The following PTPRD variants were observed in gnomAD, a reference collection of about 807,000 sequenced individuals.
PTPRD encodes protein tyrosine phosphatase receptor type D, also known as receptor-type tyrosine-protein phosphatase delta.
In PTPRD, 34 loss-of-function variants were observed where a neutral mutation model predicts 214.5. The observed-to-expected ratio is 0.16, with a 90% CI of 0.12 to 0.21. The LOEUF (loss-of-function observed/expected upper bound fraction) is 0.21. Among genes scored for constraint, PTPRD ranks in the 10% least tolerant of loss-of-function variants. PTPRD has a pLI of 1.00. For synonymous variants in PTPRD, 1,128 were observed against 845.7 expected, an observed-to-expected ratio of 1.33 and a Z score of -5.79; for missense variants, 2,545 against 2,398.7, an observed-to-expected ratio of 1.06 and a Z score of -1.27.
At chr9:8,512,981 A>AG (rs546319098) in intron 21 of PTPRD, among the ~76,000 whole-genome samples, 310 of 152,088 alleles carry the variant, frequency 2.0e-3, no homozygotes, top group Non-Finnish European at 3.8e-3. Flanking sequence ...AAACTATAGG[A>AG]GGTCCTTTTT....
chr9:9,010,033 G>C (rs1351588678), intron 11 of PTPRD, among the ~76,000 whole-genome samples: 1 of 152,054 alleles, frequency 6.6e-6, no homozygotes, highest in Admixed American at 6.6e-5. Flanking sequence ...GCCTGACAAA[G>C]ATGGAAATTT....
chr9:8,773,735 C>T (rs1258476811), intron 11 of PTPRD, among the ~76,000 whole-genome samples: 2 of 152,294 alleles, frequency 1.3e-5, no homozygotes, highest in East Asian at 3.9e-4. Flanking sequence ...GTCTACTTTG[C>T]TAGCTAATCT....
chr9:10,484,343 A>G (rs1478323909), intron 2 of PTPRD, among the ~76,000 whole-genome samples: 1 of 152,100 alleles, frequency 6.6e-6, no homozygotes, highest in East Asian at 1.9e-4. Flanking sequence ...GTGTTACAAC[A>G]TATACTATGT....
intron 2 of PTPRD, among the ~76,000 whole-genome samples, chr9:10,586,700 T>C (rs1482874186): frequency 6.6e-6 from 1 of 151,998 alleles, no homozygotes; most frequent in African/African-American, 2.4e-5. Context: ...TCCTTCTTAC[T>C]ATCTAGAAAA....
chr9:10,485,040 C>G (rs200169062), intron 2 of PTPRD, among the ~76,000 whole-genome samples: 2 of 150,806 alleles, frequency 1.3e-5, no homozygotes, highest in East Asian at 3.9e-4. Context: ...TTTTTTTTTG[C>G]ATATGAAAGG....
intron 9 of PTPRD, among the ~76,000 whole-genome samples, chr9:9,363,259 T>C (rs932840027): frequency 6.6e-6 from 1 of 150,988 alleles, no homozygotes; most frequent in African/African-American, 2.4e-5. Context: ...CCAAAAGGCA[T>C]CTAAAATGCC....
intron 8 of PTPRD, among the ~76,000 whole-genome samples, chr9:9,517,353 G>T (rs1344150730): frequency 6.6e-6 from 1 of 152,042 alleles, no homozygotes; most frequent in Admixed American, 6.6e-5. Context: ...TTAGTAAGGG[G>T]ATAGACTTTG....
intron 15 of PTPRD, among the ~76,000 whole-genome samples, chr9:8,527,800 A>C (rs760782366): frequency 6.6e-6 from 1 of 152,132 alleles, no homozygotes; most frequent in Non-Finnish European, 1.5e-5. Context: ...GAAAAGGGTA[A>C]AGAGAGAGAG....
At chr9:10,034,474 T>C (rs1370502221) in intron 3 of PTPRD, among the ~76,000 whole-genome samples, 2 of 147,806 alleles carry the variant, frequency 1.4e-5, no homozygotes, top group East Asian at 2.0e-4. Flanking sequence ...TTTTGTTACA[T>C]AGGGAAACGT....
chr9:8,967,217 G>A lies in PTPRD; in HGVS notation c.-104+51480C>T, dbSNP rs2099202316. Reference sequence around the variant, plus strand: ...GTTGGTGGGAATGTAAATTAGTCCTGCCACTATGGAAAGCAGTTTGGAGAT... The same window carrying A: ...GTTGGTGGGAATGTAAATTAGTCCTACCACTATGGAAAGCAGTTTGGAGAT... On this transcript the variant is annotated intron_variant, in intron 11 of 45. Transcript: ENST00000381196. Among the ~76,000 whole-genome samples the A allele has an allele frequency of 2.6e-5, 4 of 151,968 alleles. No individual in the cohort carries two copies. The South Asian group carries it at 6.2e-4, about 24-fold the overall frequency.
In PTPRD at chr9:10,054,882, C is replaced by G. The variant is rs376473481; in HGVS notation, c.-544-21092G>C. On this transcript the variant is annotated intron_variant, in intron 3 of 45. Coordinates refer to ENST00000381196, the MANE Select transcript of PTPRD (RefSeq NM_002839.4). ...AAATCCATATGTTGAAGTCCTCATA[C>G]CCTGTGTGATGGTATTTGGGGGTGG... is the stretch of plus-strand genomic sequence containing the variant. 7.0e-4 allele frequency among the ~76,000 whole-genome samples: 107 copies of G among 152,110 alleles called. 2 individuals carry two copies. The South Asian group carries it at 0.021, about 29-fold the overall frequency.
intron 8 of PTPRD, among the ~76,000 whole-genome samples, chr9:9,527,784 T>C (rs1297484522): frequency 3.9e-5 from 6 of 152,192 alleles, no homozygotes; most frequent in Non-Finnish European, 1.5e-5. Context: ...AAAATATGTC[T>C]CTCTTTGAGT....
chr9:8,857,063 C>A (rs1031662770), intron 11 of PTPRD, among the ~76,000 whole-genome samples: 1 of 152,168 alleles, frequency 6.6e-6, no homozygotes, highest in Non-Finnish European at 1.5e-5. Context: ...ACACCAGATT[C>A]CCGCAGCTGA....
intron 23 of PTPRD, among the ~76,000 whole-genome samples, chr9:8,502,537 G>C (rs1474478177): frequency 2.0e-5 from 3 of 152,028 alleles, no homozygotes; most frequent in Admixed American, 1.3e-4. Flanking sequence ...TGTAAATTTG[G>C]AATAAGATTT....
intron 17 of PTPRD, among the ~76,000 whole-genome samples, chr9:8,526,215 A>G (rs1043519173): frequency 1.3e-5 from 2 of 151,630 alleles, no homozygotes; most frequent in African/African-American, 4.8e-5. Flanking sequence ...CAGCTAAGGA[A>G]GAAAAAAAAT....
At chr9:9,013,636 A>G (rs2099521175) in intron 11 of PTPRD, among the ~76,000 whole-genome samples, 1 of 152,134 alleles carries the variant, frequency 6.6e-6, no homozygotes, top group South Asian at 2.1e-4. Context: ...GAGGGCAGTT[A>G]ATTAACTATA....
intron 2 of PTPRD, among the ~76,000 whole-genome samples, chr9:10,355,986 T>C (rs1401114693): frequency 2.0e-5 from 3 of 152,214 alleles, no homozygotes; most frequent in Non-Finnish European, 4.4e-5. Flanking sequence ...GGGAATGATA[T>C]GGACTTAAAA....
chr9:9,587,161 T>C (rs1031762025), intron 7 of PTPRD, among the ~76,000 whole-genome samples: 4 of 152,012 alleles, frequency 2.6e-5, no homozygotes, highest in South Asian at 2.1e-4. Context: ...TTCAGGCTTC[T>C]ACTATTTTAG....
intron 7 of PTPRD, among the ~76,000 whole-genome samples, chr9:9,580,538 CTTTATTTTCTT>C (rs1307109325): frequency 2.9e-5 from 4 of 138,532 alleles, no homozygotes; most frequent in Admixed American, 7.4e-5. Flanking sequence ...CCTTAGCTTA[CTTTATTTTCTT>C]TTTTTTTTTT....
Sources: gnomAD v4.1 joint callset for allele counts (sites outside exome capture counted in the v4.1 genomes callset) on GRCh38, gnomAD v4.1.1 for gene constraint, MANE v1.5 for transcripts, NCBI Gene and HGNC (gene_info 2026-07-23, HGNC 2026-07-21) for gene names.